FRMD3: variants seen among roughly 807,000 people sequenced by gnomAD.
The protein encoded by FRMD3 is FERM domain containing 3.
In FRMD3, 33 loss-of-function variants were observed where a neutral mutation model predicts 70.2. The observed-to-expected ratio is 0.47, with a 90% CI of 0.36 to 0.63. The LOEUF is 0.63. FRMD3 is among the 20% of genes least tolerant of loss of function. The probability of loss-of-function intolerance (pLI) is 0.00; values close to 1 mark genes in which losing one functional copy is unlikely to be tolerated. For synonymous variants in FRMD3, 279 were observed against 255.9 expected (o/e 1.09, Z -0.86); for missense variants, 632 against 711.4 (o/e 0.89, Z 1.27).
At chr9:83,451,261 T>C (rs1489510592) in intron 1 of FRMD3, among the ~76,000 whole-genome samples, 1 of 152,096 alleles carries the variant, frequency 6.6e-6, no homozygotes, top group African/African-American at 2.4e-5. Context: ...AGCTTTTAAT[T>C]TCTTTTCAGA....
the FRMD3 span, among the ~76,000 whole-genome samples, chr9:83,567,184 C>T: frequency 8.5e-5 from 13 of 152,314 alleles, no homozygotes; most frequent in East Asian, 2.3e-3. Context: ...TGGAAGCTGC[C>T]AAGGCTTGGG....
intron 1 of FRMD3, among the ~76,000 whole-genome samples, chr9:83,479,783 G>A (rs986090421): frequency 9.2e-5 from 2 of 21,672 alleles, no homozygotes; most frequent in African/African-American, 6.0e-4. Context: ...GGGAGGGAGG[G>A]AGGGAAGGAA....
intron 1 of FRMD3, among the ~76,000 whole-genome samples, chr9:83,461,776 C>G (rs912696782): frequency 2.3e-5 from 3 of 132,820 alleles, no homozygotes; most frequent in African/African-American, 8.6e-5. Flanking sequence ...GCAACCTCTG[C>G]TTCAGGGTTC....
At chr9:83,323,764 G>A (rs1835903228) in intron 6 of FRMD3, among the ~76,000 whole-genome samples, 1 of 152,224 alleles carries the variant, frequency 6.6e-6, no homozygotes, top group Admixed American at 6.5e-5. Context: ...GATATACACT[G>A]TATGATTCTA....
In FRMD3 at chr9:83,247,529, A is replaced by G; in HGVS notation, c.*389T>C. 1.0e-6 allele frequency: 1 copy of G among 992,904 alleles called. No homozygotes were observed. The allele number at this position is 992,904 out of a possible 1,614,324, so 61.5% of individuals were successfully genotyped here. On this transcript the variant is annotated 3_prime_UTR_variant, in exon 14 of 14. Coordinates refer to ENST00000304195, the MANE Select transcript of FRMD3 (RefSeq NM_174938.6). ...TTTTCACTAAGGATTATATTCAACA[A>G]CTTTCTCTTGAGTTGTTACTAAAAT... is the stretch of plus-strand genomic sequence containing the variant.
intron 1 of FRMD3, among the ~76,000 whole-genome samples, chr9:83,443,483 T>C (rs957119504): frequency 6.6e-6 from 1 of 152,246 alleles, no homozygotes; most frequent in Non-Finnish European, 1.5e-5. Context: ...TCCTTTTTTA[T>C]GGCTGCATAG....
intron 10 of FRMD3, among the ~76,000 whole-genome samples, chr9:83,305,901 C>T (rs552343597): frequency 3.2e-4 from 48 of 152,326 alleles, no homozygotes; most frequent in African/African-American, 1.1e-3. Flanking sequence ...CCACAAGTGA[C>T]TGGAAGGGAC....
At chr9:83,441,451 A>G (rs1827292216) in intron 1 of FRMD3, among the ~76,000 whole-genome samples, 1 of 152,134 alleles carries the variant, frequency 6.6e-6, no homozygotes, top group African/African-American at 2.4e-5. Flanking sequence ...GCCTCCATGA[A>G]TTAAGGATTT....
intron 1 of FRMD3, among the ~76,000 whole-genome samples, chr9:83,462,297 A>G (rs1040514139): frequency 6.6e-6 from 1 of 152,200 alleles, no homozygotes; most frequent in African/African-American, 2.4e-5. Context: ...ATGCATATAC[A>G]TGCCCTGTAC....
chr9:83,375,027 G>A (rs971091134), intron 2 of FRMD3, among the ~76,000 whole-genome samples: 7 of 152,134 alleles, frequency 4.6e-5, no homozygotes, highest in Middle Eastern at 3.4e-3. Flanking sequence ...TCAACTCCTC[G>A]GCCCTTTCTT....
chr9:83,560,403 C>G, the FRMD3 span, among the ~76,000 whole-genome samples: 1 of 152,170 alleles, frequency 6.6e-6, no homozygotes, highest in Non-Finnish European at 1.5e-5. Flanking sequence ...CCCTTTCAGC[C>G]GGGGCCCCAG....
intron 1 of FRMD3, among the ~76,000 whole-genome samples, chr9:83,392,406 C>T (rs563406489): frequency 5.3e-4 from 80 of 152,292 alleles, no homozygotes; most frequent in Non-Finnish European, 7.5e-4. Context: ...AGCCTGCATA[C>T]GCCCAGTACC....
At chr9:83,314,829 T>C (rs1564010809) in intron 6 of FRMD3, among the ~76,000 whole-genome samples, 1 of 152,062 alleles carries the variant, frequency 6.6e-6, no homozygotes, top group Non-Finnish European at 1.5e-5. Flanking sequence ...CCTTCCCCAC[T>C]TCCTCCACCA....
chr9:83,314,049 C>T (rs1436370936), intron 6 of FRMD3, among the ~76,000 whole-genome samples: 1 of 152,176 alleles, frequency 6.6e-6, no homozygotes, highest in African/African-American at 2.4e-5. Flanking sequence ...CAAATTCAAC[C>T]TTAATACGAA....
intron 1 of FRMD3, among the ~76,000 whole-genome samples, chr9:83,492,741 C>T (rs1399210795): frequency 3.3e-5 from 5 of 152,212 alleles, no homozygotes; most frequent in Non-Finnish European, 7.4e-5. Flanking sequence ...TCCTCAGCCT[C>T]CACCACTCAC....
intron 13 of FRMD3, among the ~76,000 whole-genome samples, chr9:83,271,726 T>C (rs1214758330): frequency 1.3e-5 from 2 of 152,210 alleles, no homozygotes; most frequent in Non-Finnish European, 2.9e-5. Flanking sequence ...TCAGACTGAA[T>C]GTTTCCTGCC....
At chr9:83,449,454 G>A (rs1284941109) in intron 1 of FRMD3, among the ~76,000 whole-genome samples, 2 of 152,154 alleles carry the variant, frequency 1.3e-5, no homozygotes, top group Non-Finnish European at 2.9e-5. Context: ...GGGGTTTATT[G>A]TATTTACATG....
At chr9:83,582,593 G>A in the FRMD3 span, among the ~76,000 whole-genome samples, 2 of 152,278 alleles carry the variant, frequency 1.3e-5, no homozygotes, top group South Asian at 2.1e-4. Flanking sequence ...AATCTTGGAT[G>A]AGGTATAAAA....
intron 1 of FRMD3, among the ~76,000 whole-genome samples, chr9:83,483,641 T>C (rs566106700): frequency 6.6e-6 from 1 of 152,272 alleles, no homozygotes; most frequent in East Asian, 1.9e-4. Context: ...GAGTTATCGC[T>C]TGAGACCAGG....
Sources: allele counts gnomAD v4.1 joint callset (sites outside exome capture counted in the v4.1 genomes callset), GRCh38; gene constraint gnomAD v4.1.1; transcripts MANE v1.5; gene names NCBI Gene and HGNC (gene_info 2026-07-23, HGNC 2026-07-21).